Variants in PCDHA5 observed in about 807,000 individuals in gnomAD.
PCDHA5 encodes protocadherin alpha-5.
PCDHA5 carries 43 observed loss-of-function variants against 61.6 expected under a neutral mutation model. That is an observed-to-expected ratio of 0.70 (90% CI 0.55 to 0.90). The LOEUF (loss-of-function observed/expected upper bound fraction) is 0.90, where lower values mean the gene tolerates loss of function less well. PCDHA5 is among the 40% of genes least tolerant of loss of function. The pLI is 0.00. For synonymous variants in PCDHA5, 627 were observed against 543.9 expected (o/e 1.15, Z -2.13); for missense variants, 1,298 against 1,222.7 (o/e 1.06, Z -0.92).
In PCDHA5 at chr5:140,853,642, T is replaced by C. The variant is rs112112795; in HGVS notation, c.2352+29515T>C. 87 of 988,768 alleles carry C rather than the reference T, an allele frequency of 8.8e-5. 2 individuals carry two copies. Among genetic ancestry groups the C allele is most frequent in the Middle Eastern group, 1.1e-3 (2 of 1,882 alleles). 61.2% of individuals were successfully genotyped at this position (988,768 alleles called of 1,614,324 possible). A position where few individuals can be genotyped will look rare whatever the true frequency, so the allele number is the denominator to read the frequency against. ...AAGTATACAAGATCACAGACCTAAA[T>C]TGAGCCTGTTCCAGACAAATTGGGG... On this transcript the variant is annotated intron_variant, in intron 1 of 3. Coordinates refer to ENST00000529859, the MANE Select transcript of PCDHA5 (RefSeq NM_018908.3).
chr5:141,009,892 G>GTTT lies in PCDHA5; in HGVS notation c.2766_2767insTTT (p.Glu922_Lys923insPhe). 6.2e-7 allele frequency: 1 copy of GTTT among 1,612,140 alleles called. No individual in the cohort carries two copies. Among genetic ancestry groups the GTTT allele is most frequent in the Non-Finnish European group, 8.5e-7 (1 of 1,179,578 alleles). ...AGAAGAAGGGTAACAAGACCCAGGAGAAAAAAGAGAAAGGGAACAGCACGA... is the reference window on the plus strand; with the variant it reads ...AGAAGAAGGGTAACAAGACCCAGGAGTTTAAAAAAGAGAAAGGGAACAGCACGA... On this transcript the variant is annotated inframe_insertion, in exon 4 of 4. Transcript: ENST00000529859.
intron 1 of PCDHA5, chr5:140,870,927 T>C (rs782446287): frequency 1.9e-6 from 3 of 1,613,880 alleles, no homozygotes; most frequent in Non-Finnish European, 2.5e-6. Context: ...GGCTTTCATA[T>C]GAATTGCAGC....
intron 1 of PCDHA5, among the ~76,000 whole-genome samples, chr5:140,880,576 A>G (rs1274181037): frequency 6.6e-6 from 1 of 152,216 alleles, no homozygotes; most frequent in African/African-American, 2.4e-5. Flanking sequence ...ATTTGAGAAG[A>G]GAGGAAAGAG....
intron 1 of PCDHA5, among the ~76,000 whole-genome samples, chr5:140,918,244 T>C (rs1554198493): frequency 6.6e-6 from 1 of 152,236 alleles, no homozygotes; most frequent in South Asian, 2.1e-4. Flanking sequence ...TGATTTTGTA[T>C]GCTGAAACTT....
chr5:140,982,447 C>T (rs782801484), intron 2 of PCDHA5, 28 bp from the exon 3 acceptor site: 5 of 1,613,664 alleles, frequency 3.1e-6, no homozygotes, highest in Admixed American at 3.3e-5. Flanking sequence ...ATGATCTAAC[C>T]GTTATCTGGG....
intron 1 of PCDHA5, among the ~76,000 whole-genome samples, chr5:140,956,002 C>T (rs2095246908): frequency 6.6e-6 from 1 of 152,124 alleles, no homozygotes; most frequent in Admixed American, 6.5e-5. Context: ...GATTTTGTAT[C>T]CTGAGACTTT....
At chr5:140,838,084 GT>G (rs1775513754) in intron 1 of PCDHA5, among the ~76,000 whole-genome samples, 1 of 31,456 alleles carries the variant, frequency 3.2e-5, no homozygotes, top group Non-Finnish European at 6.5e-5. Flanking sequence ...TATAGTGTGT[GT>G]GTGTGTGTGT....
chr5:140,947,872 T>C (rs2094186307), intron 1 of PCDHA5, among the ~76,000 whole-genome samples: 1 of 151,588 alleles, frequency 6.6e-6, no homozygotes, highest in Admixed American at 6.6e-5. Context: ...GGCTAGGACT[T>C]CCAGGACAAT....
At chr5:140,966,374 C>A in intron 1 of PCDHA5, 1 of 405,174 alleles carries the variant, frequency 2.5e-6, no homozygotes, top group South Asian at 1.3e-4. Flanking sequence ...GCTGAGCAGT[C>A]CGGGTTCGCT....
In PCDHA5 at chr5:140,822,274, T is replaced by C. The variant is rs201640591; in HGVS notation, c.499T>C (p.Leu167=). The part of the protein sequence containing the change: ...SDLDIGANAQ[L]RYRLNPNEYF... ...TTTGGATATTGGAGCAAATGCACAA[T>C]TGAGATACAGGTTAAATCCAAACGA... The change falls in exon 1 of 4, where the codon TTG becomes CTG. Residue 167 remains leucine, a synonymous_variant. Coordinates refer to ENST00000529859, the MANE Select transcript of PCDHA5 (RefSeq NM_018908.3). 2.0e-5 allele frequency: 32 copies of C among 1,614,098 alleles called. No homozygotes were observed. Among genetic ancestry groups the C allele is most frequent in the Non-Finnish European group, 2.5e-5 (30 of 1,180,048 alleles).
intron 1 of PCDHA5, among the ~76,000 whole-genome samples, chr5:140,962,085 C>T (rs565561726): frequency 2.0e-5 from 3 of 151,950 alleles, no homozygotes; most frequent in Non-Finnish European, 4.4e-5. Context: ...CGGGGTTTCA[C>T]CATGTTAGCC....
At chr5:140,942,731 T>C (rs1404765148) in intron 1 of PCDHA5, among the ~76,000 whole-genome samples, 4 of 152,052 alleles carry the variant, frequency 2.6e-5, no homozygotes, top group Non-Finnish European at 5.9e-5. Flanking sequence ...TGTTGAAAAA[T>C]ATTTTAAAAT....
intron 1 of PCDHA5, chr5:140,842,359 C>G: frequency 6.2e-7 from 1 of 1,606,650 alleles, no homozygotes; most frequent in Non-Finnish European, 8.5e-7. Context: ...AAAATGATAA[C>G]GTCCCTGAGA....
At position 140,944,281 on chromosome 5, in the gene PCDHA5, G is replaced by A. The variant is rs987563636; in HGVS notation, c.2353-34668G>A. ...CTGCTCACTGCAGCCTTGACACCCC[G>A]GGCTCAAGCGATCCTCCTACCTCAG... On this transcript the variant is annotated intron_variant, in intron 1 of 3. Coordinates refer to ENST00000529859, the MANE Select transcript of PCDHA5 (RefSeq NM_018908.3). Among the ~76,000 whole-genome samples, 18 of 152,138 alleles carry A rather than the reference G, an allele frequency of 1.2e-4. No individual in the cohort carries two copies. The Middle Eastern group carries it at 0.014, about 115-fold the overall frequency.
chr5:140,873,546 A>C (rs2054343070), intron 1 of PCDHA5, among the ~76,000 whole-genome samples: 2 of 151,836 alleles, frequency 1.3e-5, no homozygotes, highest in Admixed American at 1.3e-4. Context: ...TAAAATTATA[A>C]TTTCAATTTA....
At chr5:140,841,928 G>C in intron 1 of PCDHA5, 1 of 1,613,910 alleles carries the variant, frequency 6.2e-7, no homozygotes, top group Non-Finnish European at 8.5e-7. Context: ...CTTGGACAGA[G>C]AGGACGCTCC....
chr5:140,971,487 C>G (rs1285006281), intron 1 of PCDHA5, among the ~76,000 whole-genome samples: 1 of 152,110 alleles, frequency 6.6e-6, no homozygotes, highest in African/African-American at 2.4e-5. Flanking sequence ...CACATTGTTA[C>G]AGTGTGGCAA....
chr5:140,939,812 A>T (rs1277082652), intron 1 of PCDHA5, among the ~76,000 whole-genome samples: 4 of 152,196 alleles, frequency 2.6e-5, no homozygotes, highest in Non-Finnish European at 2.9e-5. Flanking sequence ...ATGTTCAAGA[A>T]AAAGCAGTAT....
intron 3 of PCDHA5, among the ~76,000 whole-genome samples, chr5:140,998,827 G>T (rs2097835809): frequency 6.6e-6 from 1 of 152,226 alleles, no homozygotes; most frequent in South Asian, 2.1e-4. Context: ...GCCTCCCAAA[G>T]TGCTGGATTA....
Sources: gnomAD v4.1 joint callset for allele counts (sites outside exome capture counted in the v4.1 genomes callset) on GRCh38, gnomAD v4.1.1 for gene constraint, MANE v1.5 for transcripts, NCBI Gene and HGNC (gene_info 2026-07-23, HGNC 2026-07-21) for gene names.